Variants in TRPM3 observed in about 807,000 individuals in gnomAD.
TRPM3 encodes the protein transient receptor potential cation channel subfamily M member 3.
Under a neutral mutation model 181.2 loss-of-function variants are expected in TRPM3, and 77 were observed. The observed-to-expected ratio is 0.42, with a 90% CI of 0.35 to 0.51. TRPM3 has a LOEUF of 0.51. Among genes scored for constraint, TRPM3 ranks in the 20% least tolerant of loss-of-function variants. The pLI is 0.01. For missense variants in TRPM3, 1,759 were observed against 2,196.7 expected (o/e 0.80, Z 3.98); for synonymous variants, 745 against 796.4 (o/e 0.94, Z 1.09).
chr9:71,365,926 A>T (rs1052374143), intron 1 of TRPM3, among the ~76,000 whole-genome samples: 16 of 152,178 alleles, frequency 1.1e-4, no homozygotes, highest in Non-Finnish European at 2.4e-4. Flanking sequence ...GTATACCCAC[A>T]TGATAAATGA....
At chr9:70,797,201 T>C (rs1304456433) in intron 6 of TRPM3, among the ~76,000 whole-genome samples, 1 of 152,194 alleles carries the variant, frequency 6.6e-6, no homozygotes, top group Non-Finnish European at 1.5e-5. Flanking sequence ...AAATTATTTA[T>C]GATAGGAGTA....
At chr9:70,556,113 C>T (rs2047627430) in intron 22 of TRPM3, among the ~76,000 whole-genome samples, 1 of 152,150 alleles carries the variant, frequency 6.6e-6, no homozygotes, top group Non-Finnish European at 1.5e-5. Flanking sequence ...TTCAAGTGGT[C>T]CATGTGCATT....
chr9:71,217,172 G>A (rs991760590), intron 1 of TRPM3, among the ~76,000 whole-genome samples: 1 of 151,388 alleles, frequency 6.6e-6, no homozygotes, highest in Non-Finnish European at 1.5e-5. Context: ...GGATGGTCTC[G>A]ATCTCCTGAC....
chr9:71,368,029 T>C (rs1341085972), intron 1 of TRPM3, among the ~76,000 whole-genome samples: 10 of 152,096 alleles, frequency 6.6e-5, no homozygotes, highest in South Asian at 2.1e-4. Context: ...CACACACACA[T>C]ATGAGTATGT....
At chr9:70,618,534 T>C in intron 17 of TRPM3, among the ~76,000 whole-genome samples, 1 of 152,200 alleles carries the variant, frequency 6.6e-6, no homozygotes, top group East Asian at 1.9e-4. Context: ...GTGGCCTAGG[T>C]GGGGACTCCT....
intron 7 of TRPM3, among the ~76,000 whole-genome samples, chr9:70,769,298 A>G (rs777524790): frequency 2.0e-5 from 3 of 152,112 alleles, no homozygotes; most frequent in Non-Finnish European, 4.4e-5. Flanking sequence ...GCATGCCTCT[A>G]TATCTTCAGC....
chr9:70,834,367 C>T (rs1242978577), intron 5 of TRPM3, among the ~76,000 whole-genome samples: 2 of 152,194 alleles, frequency 1.3e-5, no homozygotes, highest in Non-Finnish European at 2.9e-5. Flanking sequence ...GAGGGGAACC[C>T]TTTACCATTC....
chr9:71,284,503 G>A (rs1275225930), intron 1 of TRPM3, among the ~76,000 whole-genome samples: 9 of 152,158 alleles, frequency 5.9e-5, no homozygotes, highest in South Asian at 4.1e-4. Context: ...CTCTCAGCTC[G>A]CCTCTCAGAA....
intron 11 of TRPM3, among the ~76,000 whole-genome samples, chr9:70,635,462 A>ATTTTTTT (rs71505401): frequency 3.5e-5 from 4 of 113,126 alleles, no homozygotes; most frequent in Non-Finnish European, 6.9e-5. Context: ...TTTGTCAGTG[A>ATTTTTTT]TTTTTTTTTT....
At chr9:70,901,939 G>A (rs2096393059) in intron 1 of TRPM3, among the ~76,000 whole-genome samples, 1 of 152,140 alleles carries the variant, frequency 6.6e-6, no homozygotes, top group African/African-American at 2.4e-5. Context: ...TCTATTACAT[G>A]TCACATATTG....
At chr9:71,285,525 C>T (rs2085209743) in intron 1 of TRPM3, among the ~76,000 whole-genome samples, 1 of 152,138 alleles carries the variant, frequency 6.6e-6, no homozygotes, top group Non-Finnish European at 1.5e-5. Context: ...TCCGAGGCTG[C>T]CGATCCGTTC....
chr9:71,085,873 T>C (rs2065170244), intron 1 of TRPM3, among the ~76,000 whole-genome samples: 1 of 151,942 alleles, frequency 6.6e-6, no homozygotes, highest in Non-Finnish European at 1.5e-5. Flanking sequence ...AACAAATTGT[T>C]CAACCAAAAA....
chr9:71,446,608 G>A (rs1420969772), intron 1 of TRPM3: 1 of 1,533,210 alleles, frequency 6.5e-7, no homozygotes, highest in South Asian at 1.2e-5. Flanking sequence ...CGCGTGCGAA[G>A]GGAGAAAAGA....
At chr9:70,750,084 C>T (rs1433636970) in intron 8 of TRPM3, among the ~76,000 whole-genome samples, 1 of 152,102 alleles carries the variant, frequency 6.6e-6, no homozygotes, top group African/African-American at 2.4e-5. Flanking sequence ...CAGCTTTCAC[C>T]AACACGCAGC....
intron 1 of TRPM3, among the ~76,000 whole-genome samples, chr9:71,127,717 C>T (rs577796366): frequency 1.1e-4 from 16 of 152,280 alleles, no homozygotes; most frequent in Admixed American, 7.8e-4. Context: ...ATCTTGTTCA[C>T]GGATACCACT....
At chr9:71,268,509 G>A (rs1231667728) in intron 1 of TRPM3, among the ~76,000 whole-genome samples, 2 of 152,114 alleles carry the variant, frequency 1.3e-5, no homozygotes, top group Non-Finnish European at 2.9e-5. Context: ...GAATGTCCTA[G>A]CATGGGTTTG....
At chr9:70,687,222 C>T (rs781238010) in intron 8 of TRPM3, among the ~76,000 whole-genome samples, 1 of 152,064 alleles carries the variant, frequency 6.6e-6, no homozygotes, top group African/African-American at 2.4e-5. Context: ...AGGAGATATA[C>T]ATATTTGTGA....
At chr9:71,000,168 C>T (rs780090082) in intron 1 of TRPM3, among the ~76,000 whole-genome samples, 2 of 152,138 alleles carry the variant, frequency 1.3e-5, no homozygotes, top group Non-Finnish European at 2.9e-5. Flanking sequence ...AACAAGTAAA[C>T]AGTTTGCTTT....
intron 1 of TRPM3, among the ~76,000 whole-genome samples, chr9:71,032,750 G>A (rs2057696040): frequency 6.6e-6 from 1 of 152,162 alleles, no homozygotes; most frequent in Non-Finnish European, 1.5e-5. Context: ...ATTTTGTGTA[G>A]TACATGGCTA....
Sources: gnomAD v4.1 joint callset for allele counts (sites outside exome capture counted in the v4.1 genomes callset) on GRCh38, gnomAD v4.1.1 for gene constraint, MANE v1.5 for transcripts, NCBI Gene and HGNC (gene_info 2026-07-23, HGNC 2026-07-21) for gene names.